Variants in TNRC6B observed in about 807,000 individuals in gnomAD.
The protein encoded by TNRC6B is trinucleotide repeat-containing gene 6B protein.
In TNRC6B, 52 loss-of-function variants were observed where a neutral mutation model predicts 203.6. The observed-to-expected ratio is 0.26, with a 90% CI of 0.20 to 0.32. TNRC6B has a LOEUF of 0.32. Among genes scored for constraint, TNRC6B ranks in the 10% least tolerant of loss-of-function variants. TNRC6B has a pLI of 1.00. For synonymous variants in TNRC6B, 838 were observed against 845.7 expected, an observed-to-expected ratio of 0.99 and a Z score of 0.16; for missense variants, 1,923 against 2,286.2, an observed-to-expected ratio of 0.84 and a Z score of 3.24.
chr22:40,158,691 T>A (rs2068842119), intron 4 of TNRC6B, among the ~76,000 whole-genome samples: 1 of 152,158 alleles, frequency 6.6e-6, no homozygotes, highest in Non-Finnish European at 1.5e-5. Context: ...TTTTCACAAG[T>A]CTCATACTGC....
chr22:40,178,245 C>CT, intron 1 of TNRC6B, 105 bp downstream of exon 1: 1 of 1,325,938 alleles, frequency 7.5e-7, no homozygotes, highest in African/African-American at 1.5e-5. Context: ...AGCATGGAGA[C>CT]TGGCTTCAGA....
intron 1 of TNRC6B, among the ~76,000 whole-genome samples, chr22:40,075,207 T>C (rs1327264182): frequency 7.0e-6 from 1 of 142,862 alleles, no homozygotes; most frequent in Admixed American, 7.1e-5. Flanking sequence ...TACATTGATA[T>C]AATGTAGTTT....
intron 3 of TNRC6B, among the ~76,000 whole-genome samples, chr22:40,136,091 A>G (rs1050632811): frequency 2.6e-5 from 4 of 152,172 alleles, no homozygotes; most frequent in Admixed American, 2.6e-4. Flanking sequence ...CATTTCTGGC[A>G]CGGTCTCCAG....
At chr22:40,149,783 G>T (rs772273283) in intron 3 of TNRC6B, among the ~76,000 whole-genome samples, 53 of 113,280 alleles carry the variant, frequency 4.7e-4, no homozygotes, top group Non-Finnish European at 6.8e-4. Flanking sequence ...GTGTATGTAT[G>T]TGTCAAAACT....
chr22:40,140,206 C>T (rs1390611570), intron 3 of TNRC6B, among the ~76,000 whole-genome samples: 3 of 151,786 alleles, frequency 2.0e-5, no homozygotes, highest in Non-Finnish European at 4.4e-5. Context: ...AGTGTCCAGA[C>T]AATGTGATTG....
At chr22:40,173,391 C>T (rs2069021377), upstream of TNRC6B, among the ~76,000 whole-genome samples, 1 of 149,464 alleles carries the variant, frequency 6.7e-6, no homozygotes, top group Non-Finnish European at 1.5e-5. Flanking sequence ...CACGCCTGGC[C>T]TAGTTTTTGT....
At chr22:40,153,981 T>G (rs1328998048) in intron 3 of TNRC6B, among the ~76,000 whole-genome samples, 1 of 151,096 alleles carries the variant, frequency 6.6e-6, no homozygotes, top group Non-Finnish European at 1.5e-5. Context: ...CTTTCTTTAT[T>G]TTTTTTTAAG....
At chr22:40,168,713 A>AT (rs1238771309) in intron 4 of TNRC6B, among the ~76,000 whole-genome samples, 2 of 152,008 alleles carry the variant, frequency 1.3e-5, no homozygotes, top group Admixed American at 1.3e-4. Context: ...TCCCATTGAC[A>AT]TTTTTTCTTG....
chr22:40,320,625 C>T (rs2071322739), intron 21 of TNRC6B, among the ~76,000 whole-genome samples: 1 of 152,148 alleles, frequency 6.6e-6, no homozygotes, highest in East Asian at 1.9e-4. Context: ...AGGGGTACAG[C>T]CTTTGGTCAA....
chr22:40,132,960 AAAAAAAAAAAT>A (rs1394381649), intron 3 of TNRC6B, among the ~76,000 whole-genome samples: 3 of 116,748 alleles, frequency 2.6e-5, no homozygotes, highest in African/African-American at 9.8e-5. Context: ...AAAAAAAAAA[AAAAAAAAAAAT>A]ATATATATAT....
chr22:40,060,692 G>A (rs2067842210), intron 1 of TNRC6B, among the ~76,000 whole-genome samples: 1 of 152,200 alleles, frequency 6.6e-6, no homozygotes, highest in African/African-American at 2.4e-5. Context: ...GGGAAAAGGT[G>A]CTGGTAGAAG....
At chr22:40,310,209 G>A (rs1420369314) in intron 16 of TNRC6B, among the ~76,000 whole-genome samples, 1 of 152,192 alleles carries the variant, frequency 6.6e-6, no homozygotes, top group Admixed American at 6.5e-5. Context: ...TGAGGCCACG[G>A]ATCCCAGAGC....
At chr22:40,059,823 T>TTC in intron 1 of TNRC6B, among the ~76,000 whole-genome samples, 1 of 150,232 alleles carries the variant, frequency 6.7e-6, no homozygotes, top group African/African-American at 2.5e-5. Flanking sequence ...TGGTTTTTTT[T>TTC]TTTTTTTTTT....
intron 1 of TNRC6B, among the ~76,000 whole-genome samples, chr22:40,078,176 A>T (rs1249096605): frequency 1.3e-5 from 2 of 152,252 alleles, no homozygotes; most frequent in Non-Finnish European, 2.9e-5. Context: ...AAGCATCCAT[A>T]CTACTGTACT....
At chr22:40,149,398 G>A (rs2068725513) in intron 3 of TNRC6B, among the ~76,000 whole-genome samples, 1 of 152,170 alleles carries the variant, frequency 6.6e-6, no homozygotes, top group Non-Finnish European at 1.5e-5. Context: ...ACTGGGTGCG[G>A]TGGCTCACAC....
intron 1 of TNRC6B, among the ~76,000 whole-genome samples, chr22:40,227,345 A>G (rs1214391147): frequency 7.0e-6 from 1 of 142,678 alleles, no homozygotes; most frequent in African/African-American, 2.6e-5. Flanking sequence ...TACCACACCT[A>G]GCCTGAAATT....
At chr22:40,122,909 C>G (rs576947179) in intron 2 of TNRC6B, among the ~76,000 whole-genome samples, 1 of 152,266 alleles carries the variant, frequency 6.6e-6, no homozygotes, top group East Asian at 1.9e-4. Context: ...AGTAAATTCC[C>G]TCAAGGTCAC....
intron 5 of TNRC6B, among the ~76,000 whole-genome samples, chr22:40,268,083 T>A (rs1162921197): frequency 6.6e-6 from 1 of 152,146 alleles, no homozygotes; most frequent in Non-Finnish European, 1.5e-5. Flanking sequence ...AAAATTAATA[T>A]TAAGAACCAG....
intron 3 of TNRC6B, among the ~76,000 whole-genome samples, chr22:40,131,321 T>G (rs2068543417): frequency 6.6e-6 from 1 of 152,094 alleles, no homozygotes; most frequent in South Asian, 2.1e-4. Flanking sequence ...TGGAGAGAGA[T>G]GTTTATTGAA....
Sources: gnomAD v4.1 joint callset for allele counts (sites outside exome capture counted in the v4.1 genomes callset) on GRCh38, gnomAD v4.1.1 for gene constraint, MANE v1.5 for transcripts, NCBI Gene and HGNC (gene_info 2026-07-23, HGNC 2026-07-21) for gene names.